The following VPS13B variants were observed in gnomAD, a reference collection of about 807,000 sequenced individuals.
VPS13B encodes the protein vacuolar protein sorting 13 homolog B.
Under a neutral mutation model 426.4 loss-of-function variants are expected in VPS13B, and 285 were observed. The observed-to-expected ratio is 0.67, with a 90% CI of 0.61 to 0.74. The LOEUF is 0.74. Among genes scored for constraint, VPS13B ranks in the 30% least tolerant of loss-of-function variants. VPS13B has a pLI of 0.00. For synonymous variants in VPS13B, 1,676 were observed against 1,676.4 expected (o/e 1.00, Z 0.01); for missense variants, 4,537 against 4,782.6 (o/e 0.95, Z 1.51).
In VPS13B at chr8:99,853,801, A is replaced by G. The variant is rs1233169133; in HGVS notation, c.10412A>G (p.Glu3471Gly). Residue 3471 changes from glutamate (E) to glycine (G), a missense_variant, in exon 56 of 62, where the codon GAA (glutamate) becomes GGA (glycine). Coordinates refer to ENST00000357162, the MANE Select transcript of VPS13B (RefSeq NM_152564.5). ...SLLISNKELE[E>G]YKEKCFIKLC... ...CTCATATCCAACAAAGAGTTGGAAG[A>G]ATACAAGGAAAAATGTTTTATCAAA... The G allele has an allele frequency of 6.2e-7, 1 of 1,614,270 alleles. No homozygotes were observed. The highest frequency in any genetic ancestry group is 2.2e-5 in the East Asian group (1 of 44,896).
chr8:99,029,263 G>A (rs540004012), intron 2 of VPS13B, among the ~76,000 whole-genome samples: 3 of 150,502 alleles, frequency 2.0e-5, no homozygotes, highest in African/African-American at 7.3e-5. Flanking sequence ...ATGGGATGGC[G>A]GCCGGGCAGA....
At chr8:99,155,276 G>T (rs1463147274) in intron 14 of VPS13B, among the ~76,000 whole-genome samples, 2 of 152,154 alleles carry the variant, frequency 1.3e-5, no homozygotes, top group Non-Finnish European at 2.9e-5. Context: ...AGTGTGAACT[G>T]AAAGAAAGAA....
chr8:99,751,123 A>T (rs1469424113), intron 39 of VPS13B, among the ~76,000 whole-genome samples: 2 of 152,194 alleles, frequency 1.3e-5, no homozygotes, highest in South Asian at 4.1e-4. Context: ...TTTCAAAACT[A>T]CACTGTATAG....
chr8:99,823,773 A>G, intron 50 of VPS13B, 59 bp from the exon 51 acceptor site: 1 of 1,560,166 alleles, frequency 6.4e-7, no homozygotes, highest in Non-Finnish European at 8.8e-7. Flanking sequence ...GGAATACTCA[A>G]GAGATTTTGA....
intron 20 of VPS13B, among the ~76,000 whole-genome samples, chr8:99,387,457 A>C (rs1457101441): frequency 6.6e-6 from 1 of 152,058 alleles, no homozygotes; most frequent in Non-Finnish European, 1.5e-5. Context: ...TCCTAGGTTC[A>C]AGTCATCTAC....
At chr8:99,784,520 G>T (rs1812166082) in intron 43 of VPS13B, 44 bp downstream of exon 43, 1 of 1,611,656 alleles carries the variant, frequency 6.2e-7, no homozygotes, top group South Asian at 1.1e-5. Context: ...TTAAGGTTGG[G>T]GATTCATTTC....
At chr8:99,552,577 G>GTT (rs200586050) in intron 30 of VPS13B, among the ~76,000 whole-genome samples, 1 of 139,630 alleles carries the variant, frequency 7.2e-6, no homozygotes, top group Non-Finnish European at 1.6e-5. Context: ...TTTTTATTTT[G>GTT]TTTTTTTTTT....
At chr8:99,813,651 T>G (rs1464425640) in intron 44 of VPS13B, among the ~76,000 whole-genome samples, 1 of 152,172 alleles carries the variant, frequency 6.6e-6, no homozygotes, top group Non-Finnish European at 1.5e-5. Context: ...ATGGCTAGAG[T>G]ATCTAGGGGA....
chr8:99,255,945 G>C (rs963166961), intron 17 of VPS13B, among the ~76,000 whole-genome samples: 2 of 152,178 alleles, frequency 1.3e-5, no homozygotes, highest in African/African-American at 4.8e-5. Flanking sequence ...GTTCATGTTA[G>C]AGTATGCTGA....
chr8:99,111,576 G>T (rs1019644491), intron 6 of VPS13B, among the ~76,000 whole-genome samples: 1 of 151,752 alleles, frequency 6.6e-6, no homozygotes, highest in Non-Finnish European at 1.5e-5. Flanking sequence ...ATATTAAAAG[G>T]TATATTTATA....
intron 17 of VPS13B, among the ~76,000 whole-genome samples, chr8:99,252,556 T>C (rs1481043175): frequency 6.6e-6 from 1 of 152,130 alleles, no homozygotes; most frequent in Non-Finnish European, 1.5e-5. Flanking sequence ...TATTAGTTGA[T>C]GGCATTTTTA....
intron 19 of VPS13B, among the ~76,000 whole-genome samples, chr8:99,362,383 C>T (rs1018330831): frequency 2.6e-5 from 4 of 152,036 alleles, no homozygotes; most frequent in African/African-American, 9.7e-5. Context: ...ACCTCGTGAT[C>T]CTCCTGTCTT....
intron 3 of VPS13B, among the ~76,000 whole-genome samples, chr8:99,065,340 A>G (rs868714124): frequency 6.6e-6 from 1 of 152,220 alleles, no homozygotes; most frequent in South Asian, 2.1e-4. Flanking sequence ...CATCCCTGGC[A>G]TGCAAGGCTG....
intron 3 of VPS13B, among the ~76,000 whole-genome samples, chr8:99,044,084 C>CTTTTTTTT (rs5893476): frequency 5.2e-4 from 51 of 98,928 alleles, no homozygotes; most frequent in East Asian, 8.8e-4. Flanking sequence ...TTCTTTCTTT[C>CTTTTTTTT]TTTTTTTTTT....
intron 19 of VPS13B, among the ~76,000 whole-genome samples, chr8:99,292,166 G>A (rs1819773568): frequency 6.6e-6 from 1 of 152,074 alleles, no homozygotes; most frequent in South Asian, 2.1e-4. Context: ...AAATGCAGAA[G>A]TGAAGAAAAC....
Position 99,134,603 on chromosome 8 carries a change from G to T in VPS13B, c.1207-29G>T. 3 of 1,526,754 alleles carry T rather than the reference G, an allele frequency of 2.0e-6. No homozygotes were observed. The South Asian group carries it at 3.5e-5, about 18-fold the overall frequency. 94.6% of individuals were successfully genotyped at this position (1,526,754 alleles called of 1,614,324 possible). ...TTTATTGCTCTTTAATACTAAATTT[G>T]ATTTACTTAATATTCTTATATTTCT... On this transcript the variant is annotated intron_variant, in intron 8 of 61. Coordinates refer to ENST00000357162, the MANE Select transcript of VPS13B (RefSeq NM_152564.5).
intron 16 of VPS13B, among the ~76,000 whole-genome samples, chr8:99,190,732 C>G (rs1204706971): frequency 2.0e-5 from 3 of 152,146 alleles, no homozygotes; most frequent in Non-Finnish European, 4.4e-5. Flanking sequence ...ATTGTGCATT[C>G]TACTTTTACA....
chr8:99,358,182 G>A (rs1236338031), intron 19 of VPS13B, among the ~76,000 whole-genome samples: 1 of 152,188 alleles, frequency 6.6e-6, no homozygotes, highest in African/African-American at 2.4e-5. Context: ...AGTTTTGACT[G>A]CAGCAGTTGG....
Position 99,362,507 on chromosome 8 carries a change from A to G in VPS13B, c.2825-21701A>G, listed in dbSNP as rs578136564. On this transcript the variant is annotated intron_variant, in intron 19 of 61. Coordinates refer to ENST00000357162, the MANE Select transcript of VPS13B (RefSeq NM_152564.5). ...CTAATAAACGTTAATTTAGTTAATG[A>G]TTGAATAATTGAGGGCAGATTCAAT... Among the ~76,000 whole-genome samples the G allele has an allele frequency of 3.9e-5, 6 of 152,276 alleles. No homozygotes were observed. The South Asian group carries it at 6.2e-4, about 16-fold the overall frequency.
Sources: allele counts gnomAD v4.1 joint callset (sites outside exome capture counted in the v4.1 genomes callset), GRCh38; gene constraint gnomAD v4.1.1; transcripts MANE v1.5; gene names NCBI Gene and HGNC (gene_info 2026-07-23, HGNC 2026-07-21).